The following CREB5 variants were observed in gnomAD, a reference collection of about 807,000 sequenced individuals.
CREB5 encodes cyclic AMP-responsive element-binding protein 5.
Under a neutral mutation model 57.1 loss-of-function variants are expected in CREB5, and 19 were observed. That is an observed-to-expected ratio of 0.33 (90% CI 0.23 to 0.49). CREB5 has a LOEUF of 0.49. Among genes scored for constraint, CREB5 ranks in the 20% least tolerant of loss-of-function variants. CREB5 has a pLI of 0.99. For synonymous variants in CREB5, 238 were observed against 238.3 expected (o/e 1.00, Z 0.01); for missense variants, 579 against 671.6 (o/e 0.86, Z 1.52).
At chr7:28,711,128 G>A (rs569306354) in intron 5 of CREB5, among the ~76,000 whole-genome samples, 6 of 152,308 alleles carry the variant, frequency 3.9e-5, no homozygotes, top group African/African-American at 1.4e-4. Context: ...TCACAGGGAG[G>A]TGGGCTTACT....
intron 1 of CREB5, among the ~76,000 whole-genome samples, chr7:28,325,547 GT>G (rs1785580661): frequency 6.6e-6 from 1 of 152,096 alleles, no homozygotes; most frequent in Non-Finnish European, 1.5e-5. Flanking sequence ...TCTTGCACTG[GT>G]TATGCCCTAC....
upstream of CREB5, among the ~76,000 whole-genome samples, chr7:28,411,791 G>A (rs1381794432): frequency 2.0e-5 from 3 of 152,308 alleles, no homozygotes; most frequent in African/African-American, 7.2e-5. Flanking sequence ...CTGTAGGGTA[G>A]GCATTTGTGA....
At chr7:28,475,081 T>C (rs1044685853) in intron 1 of CREB5, among the ~76,000 whole-genome samples, 1 of 152,092 alleles carries the variant, frequency 6.6e-6, no homozygotes, top group African/African-American at 2.4e-5. Context: ...GACAGAGGTA[T>C]TGGATTATTC....
chr7:28,672,012 C>A (rs1800060975), intron 5 of CREB5, among the ~76,000 whole-genome samples: 2 of 152,022 alleles, frequency 1.3e-5, no homozygotes, highest in Admixed American at 1.3e-4. Context: ...GAGCTTTACA[C>A]CTTAAAAAGA....
chr7:28,625,681 A>T (rs1261208299), intron 5 of CREB5, among the ~76,000 whole-genome samples: 1 of 152,162 alleles, frequency 6.6e-6, no homozygotes, highest in Non-Finnish European at 1.5e-5. Flanking sequence ...GCTAGGATGA[A>T]AAAACATGCA....
intron 1 of CREB5, among the ~76,000 whole-genome samples, chr7:28,458,600 T>C (rs1257347675): frequency 2.6e-5 from 4 of 152,198 alleles, no homozygotes; most frequent in African/African-American, 7.2e-5. Flanking sequence ...AAAGTTACTG[T>C]AGATGCCATG....
At chr7:28,375,665 C>T (rs771320350) in intron 1 of CREB5, among the ~76,000 whole-genome samples, 5 of 151,204 alleles carry the variant, frequency 3.3e-5, no homozygotes, top group South Asian at 2.1e-4. Context: ...ATGGGTTGTC[C>T]GTGCAGCTGT....
intron 4 of CREB5, among the ~76,000 whole-genome samples, chr7:28,540,863 A>G (rs572031001): frequency 9.2e-5 from 14 of 152,292 alleles, no homozygotes; most frequent in South Asian, 6.2e-4. Flanking sequence ...ACCCATGAGC[A>G]TGTGGGAGAG....
Position 28,560,959 on chromosome 7 carries a change from T to TGTGCGCGTGTGCGTGCGTGC in CREB5, c.292-9405_292-9404insTGCGCGTGTGCGTGCGTGCG, listed in dbSNP as rs1562798119. On this transcript the variant is annotated intron_variant, in intron 4 of 10. Transcript: ENST00000357727. ...GTGCGTGCGTGTGTGTGCGTGTGTG[T>TGTGCGCGTGTGCGTGCGTGC]GCGTGTGTGTGTGCGTGTGTGCGTG... 2.8e-4 allele frequency among the ~76,000 whole-genome samples: 9 copies of TGTGCGCGTGTGCGTGCGTGC among 32,158 alleles called. 1 individual carries two copies. The highest frequency in any genetic ancestry group is 5.5e-4 in the Non-Finnish European group (9 of 16,370). The allele number at this position is 32,158 out of a possible 152,430, so 21.1% of individuals were successfully genotyped here.
At chr7:28,775,565 T>TATA (rs1232967788) in intron 7 of CREB5, among the ~76,000 whole-genome samples, 2 of 144,610 alleles carry the variant, frequency 1.4e-5, no homozygotes, top group African/African-American at 2.5e-5. Flanking sequence ...TATATATATA[T>TATA]TAGCGTATTT....
At chr7:28,621,203 G>C (rs1485556093) in intron 5 of CREB5, among the ~76,000 whole-genome samples, 1 of 151,878 alleles carries the variant, frequency 6.6e-6, no homozygotes, top group Non-Finnish European at 1.5e-5. Flanking sequence ...GGGGGGTGGG[G>C]GTCACAGGGC....
chr7:28,664,406 G>T (rs1799729811), intron 5 of CREB5, among the ~76,000 whole-genome samples: 1 of 152,138 alleles, frequency 6.6e-6, no homozygotes, highest in Non-Finnish European at 1.5e-5. Context: ...TCTAAGAAAA[G>T]ATGAAAAATA....
intron 5 of CREB5, among the ~76,000 whole-genome samples, chr7:28,689,733 C>A (rs1012162096): frequency 2.0e-5 from 3 of 152,188 alleles, no homozygotes; most frequent in African/African-American, 7.2e-5. Flanking sequence ...ATCAAGTAGT[C>A]ATGCAATCTT....
intron 5 of CREB5, among the ~76,000 whole-genome samples, chr7:28,572,031 C>T (rs781344648): frequency 2.0e-5 from 3 of 152,186 alleles, no homozygotes; most frequent in Non-Finnish European, 4.4e-5. Context: ...GGTCTTTTCC[C>T]TCTTGTTTTT....
chr7:28,494,530 ACTAT>A (rs1221812103), intron 2 of CREB5, among the ~76,000 whole-genome samples: 1 of 152,212 alleles, frequency 6.6e-6, no homozygotes, highest in Non-Finnish European at 1.5e-5. Context: ...ATATCCAGGG[ACTAT>A]CTAAGAAGTA....
chr7:28,734,672 A>T (rs1433408431), intron 7 of CREB5, among the ~76,000 whole-genome samples: 2 of 152,178 alleles, frequency 1.3e-5, no homozygotes, highest in African/African-American at 2.4e-5. Context: ...ATTAGGATTA[A>T]CAGGTCAAAG....
intron 5 of CREB5, among the ~76,000 whole-genome samples, chr7:28,614,429 T>A (rs188298081): frequency 6.6e-6 from 1 of 152,294 alleles, no homozygotes; most frequent in East Asian, 1.9e-4. Context: ...ACTTATAACA[T>A]GGATGAGACC....
At position 28,821,826 on chromosome 7, in the gene CREB5, G is replaced by A. The variant is rs1809788127; in HGVS notation, c.*2547G>A. 2 of 152,504 alleles carry A rather than the reference G, an allele frequency of 1.3e-5. No homozygotes were observed. The highest frequency in any genetic ancestry group is 1.3e-4 in the Admixed American group (2 of 15,264). The allele number at this position is 152,504 out of a possible 1,614,324, so 9.4% of individuals were successfully genotyped here. A position where few individuals can be genotyped will look rare whatever the true frequency, so the allele number is the denominator to read the frequency against. On this transcript the variant is annotated 3_prime_UTR_variant, in exon 11 of 11. Coordinates refer to ENST00000357727, the MANE Select transcript of CREB5 (RefSeq NM_182898.4). ...ATTTTTAATTTTTATGTTATGTTTT[G>A]CTTTGTTTTAAGTAAACAAAAATTT... is the stretch of plus-strand genomic sequence containing the variant.
chr7:28,537,037 T>G (rs1793989366), intron 4 of CREB5, among the ~76,000 whole-genome samples: 1 of 152,234 alleles, frequency 6.6e-6, no homozygotes, highest in Admixed American at 6.5e-5. Context: ...GCTTAATGCT[T>G]ACAGTCCTAT....
Sources: allele counts gnomAD v4.1 joint callset (sites outside exome capture counted in the v4.1 genomes callset), GRCh38; gene constraint gnomAD v4.1.1; transcripts MANE v1.5; gene names NCBI Gene and HGNC (gene_info 2026-07-23, HGNC 2026-07-21).